EGFLAM: variants seen among roughly 807,000 people sequenced by gnomAD.
The protein encoded by EGFLAM is EGF like, fibronectin type III and laminin G domains, also known as pikachurin.
In EGFLAM, 79 loss-of-function variants were observed where a neutral mutation model predicts 113.1. That is an observed-to-expected ratio of 0.70 (90% CI 0.58 to 0.84). EGFLAM has a LOEUF of 0.84. Ranked by LOEUF, EGFLAM falls within the 40% of genes least tolerant of loss-of-function variation. EGFLAM has a pLI of 0.00. For synonymous variants in EGFLAM, 504 were observed against 487.6 expected (o/e 1.03, Z -0.44); for missense variants, 1,265 against 1,291.6 (o/e 0.98, Z 0.32).
intron 19 of EGFLAM, 90 bp from the exon 20 acceptor site, chr5:38,458,221 C>T: frequency 8.2e-7 from 1 of 1,225,416 alleles, no homozygotes; most frequent in South Asian, 1.9e-5. Flanking sequence ...TTGCAAAGAA[C>T]TTTTGCCCTG....
chr5:38,384,215 A>G (rs940116702), intron 6 of EGFLAM, among the ~76,000 whole-genome samples: 3 of 152,130 alleles, frequency 2.0e-5, no homozygotes, highest in Admixed American at 6.6e-5. Context: ...GAAATCATAG[A>G]ATTTTGAAAC....
chr5:38,283,314 GA>G (rs1717446126), intron 1 of EGFLAM, among the ~76,000 whole-genome samples: 1 of 152,112 alleles, frequency 6.6e-6, no homozygotes, highest in Non-Finnish European at 1.5e-5. Context: ...TTTGTGCTGA[GA>G]AGAAGACCGG....
intron 1 of EGFLAM, among the ~76,000 whole-genome samples, chr5:38,261,806 G>C: frequency 6.6e-6 from 1 of 152,190 alleles, no homozygotes; most frequent in East Asian, 1.9e-4. Context: ...TCATTTATAA[G>C]AATCACAGGG....
chr5:38,362,315 C>T (rs1039008485), intron 5 of EGFLAM, among the ~76,000 whole-genome samples: 9 of 152,140 alleles, frequency 5.9e-5, no homozygotes, highest in East Asian at 1.9e-4. Context: ...AGCTCGTCAT[C>T]ATAACTAAGT....
chr5:38,350,546 A>G lies in EGFLAM; in HGVS notation c.337A>G (p.Ser113Gly). Residue 113 changes from serine to glycine, a missense_variant, in exon 4 of 22, where the codon AGC (serine) becomes GGC (glycine). Transcript: ENST00000322350. Reference sequence around the variant, plus strand: ...GAAACCAGGCACTGAATATCGTGTGAGCATAGCAGCTTACAGCCAGGCTGG... The same window carrying G: ...GAAACCAGGCACTGAATATCGTGTGGGCATAGCAGCTTACAGCCAGGCTGG... ...DLKPGTEYRV[S>G]IAAYSQAGKG... The G allele has an allele frequency of 1.2e-6, 2 of 1,614,060 alleles. No homozygotes were observed. The highest frequency in any genetic ancestry group is 1.7e-6 in the Non-Finnish European group (2 of 1,179,952).
intron 17 of EGFLAM, among the ~76,000 whole-genome samples, chr5:38,448,010 T>A (rs1742772295): frequency 6.6e-6 from 1 of 152,108 alleles, no homozygotes; most frequent in African/African-American, 2.4e-5. Context: ...CTTCCAAGAA[T>A]AATTGGGAAC....
chr5:38,349,984 C>G (rs1032826697), intron 3 of EGFLAM, among the ~76,000 whole-genome samples: 85 of 139,698 alleles, frequency 6.1e-4, no homozygotes, highest in African/African-American at 1.0e-3. Flanking sequence ...CACACACACA[C>G]ACAGACAGAC....
intron 6 of EGFLAM, among the ~76,000 whole-genome samples, chr5:38,405,013 C>G (rs1440215928): frequency 6.6e-6 from 1 of 152,260 alleles, no homozygotes; most frequent in East Asian, 1.9e-4. Context: ...TTTTCTCACC[C>G]ACCTTTCAGT....
Position 38,438,323 on chromosome 5 carries a change from G to C in EGFLAM, c.2332G>C (p.Gly778Arg). ...CCATGTGAAGCATGACTTCACCTCCGGAGTGAATGTGGAGAATGCGGCCCA... is the reference window on the plus strand; with the variant it reads ...CCATGTGAAGCATGACTTCACCTCCCGAGTGAATGTGGAGAATGCGGCCCA... The part of the protein sequence containing the change: ...TIHVKHDFTS[G>R]VNVENAAHPC... Residue 778 changes from glycine (G) to arginine (R), a missense_variant, in exon 17 of 22, where the codon GGA becomes CGA. Transcript: ENST00000322350. 6.2e-7 allele frequency: 1 copy of C among 1,614,096 alleles called. No individual in the cohort carries two copies. The highest frequency in any genetic ancestry group is 8.5e-7 in the Non-Finnish European group (1 of 1,179,996).
At chr5:38,434,619 C>A (rs1272662237) in intron 15 of EGFLAM, among the ~76,000 whole-genome samples, 1 of 152,190 alleles carries the variant, frequency 6.6e-6, no homozygotes, top group African/African-American at 2.4e-5. Flanking sequence ...GATACATATC[C>A]ACCAATGGTT....
intron 3 of EGFLAM, among the ~76,000 whole-genome samples, chr5:38,344,265 C>A (rs1482365897): frequency 6.6e-6 from 1 of 152,208 alleles, no homozygotes; most frequent in African/African-American, 2.4e-5. Flanking sequence ...GTGGGCAGAT[C>A]ACCTGAGGTC....
intron 6 of EGFLAM, among the ~76,000 whole-genome samples, chr5:38,383,495 C>T (rs1468236915): frequency 2.0e-5 from 3 of 151,204 alleles, no homozygotes; most frequent in African/African-American, 7.3e-5. Flanking sequence ...TCTGACTCTA[C>T]ATTGATTATT....
At chr5:38,282,334 T>C (rs2111757387) in intron 1 of EGFLAM, 1 of 152,136 alleles carries the variant, frequency 6.6e-6, no homozygotes, top group South Asian at 2.1e-4. Context: ...AGACAAGGAG[T>C]CAATGAAGGT....
At chr5:38,334,143 C>T (rs1349125645) in intron 1 of EGFLAM, among the ~76,000 whole-genome samples, 2 of 152,012 alleles carry the variant, frequency 1.3e-5, no homozygotes, top group African/African-American at 4.8e-5. Context: ...AGGCTAGTCT[C>T]GAACTCCTGA....
chr5:38,321,965 A>C (rs1211829947), intron 1 of EGFLAM, among the ~76,000 whole-genome samples: 1 of 152,224 alleles, frequency 6.6e-6, no homozygotes, highest in Non-Finnish European at 1.5e-5. Context: ...GTACACTTTC[A>C]TAATGACCAG....
intron 6 of EGFLAM, among the ~76,000 whole-genome samples, chr5:38,374,582 A>G (rs929427288): frequency 1.3e-5 from 2 of 152,182 alleles, no homozygotes. Flanking sequence ...AGGTATTACA[A>G]TAGTGATGTT....
intron 12 of EGFLAM, among the ~76,000 whole-genome samples, chr5:38,419,242 A>G (rs759261771): frequency 6.6e-6 from 1 of 152,190 alleles, no homozygotes; most frequent in African/African-American, 2.4e-5. Context: ...AAATACAGGG[A>G]ATTAGGACTT....
intron 1 of EGFLAM, among the ~76,000 whole-genome samples, chr5:38,306,955 C>T (rs115719911): frequency 1.3e-5 from 2 of 152,154 alleles, no homozygotes; most frequent in African/African-American, 2.4e-5. Flanking sequence ...GCAGCAAGAA[C>T]CAAGAACCAA....
intron 1 of EGFLAM, among the ~76,000 whole-genome samples, chr5:38,286,693 A>G (rs973278283): frequency 5.3e-5 from 8 of 152,232 alleles, no homozygotes; most frequent in Admixed American, 6.5e-5. Flanking sequence ...TTTTGTAGAT[A>G]TATTGCCATT....
Sources: gnomAD v4.1 joint callset for allele counts (sites outside exome capture counted in the v4.1 genomes callset) on GRCh38, gnomAD v4.1.1 for gene constraint, MANE v1.5 for transcripts, NCBI Gene and HGNC (gene_info 2026-07-23, HGNC 2026-07-21) for gene names.